Variants in NUBPL observed in about 807,000 individuals in gnomAD.
The protein encoded by NUBPL is iron-sulfur cluster transfer protein NUBPL.
Under a neutral mutation model 45.7 loss-of-function variants are expected in NUBPL, and 31 were observed. That is an observed-to-expected ratio of 0.68 (90% confidence interval 0.51 to 0.92). The LOEUF (loss-of-function observed/expected upper bound fraction) is 0.92. NUBPL is among the 40% of genes least tolerant of loss of function. The pLI, the probability that NUBPL is intolerant of heterozygous loss-of-function variation, is 0.00. For missense variants in NUBPL, 401 were observed against 398.7 expected, an observed-to-expected ratio of 1.01 and a Z score of -0.05; for synonymous variants, 144 against 140.9, an observed-to-expected ratio of 1.02 and a Z score of -0.15.
intron 6 of NUBPL, among the ~76,000 whole-genome samples, chr14:31,760,159 G>GAGAC (rs1333252263): frequency 7.1e-5 from 10 of 141,714 alleles, no homozygotes; most frequent in African/African-American, 2.4e-4. Context: ...GAGAGAGAGA[G>GAGAC]AGAGAGAGAG....
intron 8 of NUBPL, among the ~76,000 whole-genome samples, chr14:31,832,984 T>A (rs1471744900): frequency 6.6e-6 from 1 of 152,252 alleles, no homozygotes; most frequent in Non-Finnish European, 1.5e-5. Flanking sequence ...TTTTTTCTTG[T>A]AATTACTTTT....
intron 6 of NUBPL, among the ~76,000 whole-genome samples, chr14:31,744,439 A>T (rs1367172791): frequency 6.6e-6 from 1 of 152,202 alleles, no homozygotes; most frequent in Non-Finnish European, 1.5e-5. Context: ...ACACAGAAGA[A>T]CAAAGCACTT....
At chr14:31,839,849 A>T (rs1290837908) in intron 8 of NUBPL, among the ~76,000 whole-genome samples, 1 of 152,226 alleles carries the variant, frequency 6.6e-6, no homozygotes, top group Admixed American at 6.5e-5. Flanking sequence ...AAATGCTAGT[A>T]TCACTAATCA....
chr14:31,793,898 A>T, intron 7 of NUBPL, among the ~76,000 whole-genome samples: 1 of 74,750 alleles, frequency 1.3e-5, no homozygotes. Flanking sequence ...ACCCCACCAC[A>T]GTCCCCAGAG....
chr14:31,798,230 T>C (rs2039502921), intron 7 of NUBPL, among the ~76,000 whole-genome samples: 1 of 152,116 alleles, frequency 6.6e-6, no homozygotes, highest in South Asian at 2.1e-4. Flanking sequence ...GGAAGCATTT[T>C]TCAAGGAAAC....
intron 7 of NUBPL, among the ~76,000 whole-genome samples, chr14:31,810,883 G>C (rs1397414900): frequency 6.6e-6 from 1 of 152,152 alleles, no homozygotes; most frequent in Non-Finnish European, 1.5e-5. Context: ...ATGAAGCTTA[G>C]TTTGGCTGGA....
At chr14:31,605,402 A>G (rs2034557052) in intron 4 of NUBPL, among the ~76,000 whole-genome samples, 1 of 152,224 alleles carries the variant, frequency 6.6e-6, no homozygotes, top group Non-Finnish European at 1.5e-5. Flanking sequence ...AAGTAGGAAA[A>G]TTTCAAGACC....
rs2035548386 is a variant in NUBPL at position 31,637,716 on chromosome 14, G to T, written c.383-35639G>T. Reference sequence around the variant, plus strand: ...TTAGAGTCTCCCATTATTATTGTGTGGGAGTCTAAGTCTCTTTGTAGGTCA... The same window carrying T: ...TTAGAGTCTCCCATTATTATTGTGTTGGAGTCTAAGTCTCTTTGTAGGTCA... On this transcript the variant is annotated intron_variant, in intron 4 of 10. Coordinates refer to ENST00000281081, the MANE Select transcript of NUBPL (RefSeq NM_025152.3). Among the ~76,000 whole-genome samples the T allele has an allele frequency of 2.6e-5, 4 of 152,138 alleles. No individual in the cohort carries two copies. The South Asian group carries it at 8.3e-4, about 32-fold the overall frequency.
At chr14:31,628,216 A>T (rs1387182985) in intron 4 of NUBPL, among the ~76,000 whole-genome samples, 2 of 152,242 alleles carry the variant, frequency 1.3e-5, no homozygotes, top group Non-Finnish European at 2.9e-5. Flanking sequence ...AACATGAGTT[A>T]GAATGTTTAA....
intron 6 of NUBPL, among the ~76,000 whole-genome samples, chr14:31,779,286 C>T (rs181422638): frequency 2.2e-4 from 34 of 151,414 alleles, no homozygotes; most frequent in African/African-American, 7.0e-4. Flanking sequence ...TGCAGTGAGC[C>T]GAGATGGCGC....
chr14:31,791,351 A>G (rs995465636), intron 7 of NUBPL, among the ~76,000 whole-genome samples: 7 of 152,364 alleles, frequency 4.6e-5, no homozygotes, highest in Admixed American at 2.0e-4. Context: ...AAACCATTAT[A>G]TCAATAAATT....
chr14:31,697,470 A>G (rs1267973634), intron 6 of NUBPL, among the ~76,000 whole-genome samples: 1 of 152,242 alleles, frequency 6.6e-6, no homozygotes, highest in African/African-American at 2.4e-5. Context: ...TACCTTAAAC[A>G]CTTCCAGAAG....
chr14:31,787,250 T>C (rs1438022180), intron 6 of NUBPL, among the ~76,000 whole-genome samples: 1 of 152,142 alleles, frequency 6.6e-6, no homozygotes, highest in East Asian at 1.9e-4. Flanking sequence ...TAGGTGAATA[T>C]TCTGGGTATA....
chr14:31,673,205 C>G (rs1297101959), intron 4 of NUBPL, 150 bp from the exon 5 acceptor site: 1 of 643,678 alleles, frequency 1.6e-6, no homozygotes, highest in African/African-American at 1.8e-5. Context: ...ACAATGTAGA[C>G]ATGTATCATA....
At position 31,639,295 on chromosome 14, in the gene NUBPL, C is replaced by T. The variant is rs530903485; in HGVS notation, c.383-34060C>T. 5.1e-4 allele frequency among the ~76,000 whole-genome samples: 78 copies of T among 152,294 alleles called. 2 individuals carry two copies. The South Asian group carries it at 0.015, about 30-fold the overall frequency. Reference sequence around the variant, plus strand: ...GATGTCCTTTCTGTTAGTTTTCCTTCTAACAGACAGGACCCTCAGCTGCAG... The same window carrying T: ...GATGTCCTTTCTGTTAGTTTTCCTTTTAACAGACAGGACCCTCAGCTGCAG... On this transcript the variant is annotated intron_variant, in intron 4 of 10. Coordinates refer to ENST00000281081, the MANE Select transcript of NUBPL (RefSeq NM_025152.3).
chr14:31,797,719 A>T (rs1449319627), intron 7 of NUBPL, among the ~76,000 whole-genome samples: 1 of 145,208 alleles, frequency 6.9e-6, no homozygotes, highest in African/African-American at 2.7e-5. Flanking sequence ...TAATTGGAGC[A>T]TTTAGTCCAT....
chr14:31,688,528 T>G (rs1422587817), intron 6 of NUBPL, among the ~76,000 whole-genome samples: 2 of 143,014 alleles, frequency 1.4e-5, no homozygotes, highest in Non-Finnish European at 3.0e-5. Context: ...TGCAGTGAGC[T>G]GAGATTGCGC....
chr14:31,606,407 T>C (rs1309318411), intron 4 of NUBPL, among the ~76,000 whole-genome samples: 2 of 152,196 alleles, frequency 1.3e-5, no homozygotes, highest in African/African-American at 2.4e-5. Context: ...CTGAGATTTC[T>C]TAAAGGTAAC....
chr14:31,709,088 T>C (rs1031890342), intron 6 of NUBPL, among the ~76,000 whole-genome samples: 5 of 152,194 alleles, frequency 3.3e-5, no homozygotes, highest in Non-Finnish European at 7.3e-5. Context: ...GTCCCTGTTA[T>C]AGAATACTGA....
Sources: gnomAD v4.1 joint callset for allele counts (sites outside exome capture counted in the v4.1 genomes callset) on GRCh38, gnomAD v4.1.1 for gene constraint, MANE v1.5 for transcripts, NCBI Gene and HGNC (gene_info 2026-07-23, HGNC 2026-07-21) for gene names.